SAA2: variants seen among roughly 807,000 people sequenced by gnomAD.
SAA2 encodes the protein serum amyloid A2.
In SAA2, 5 loss-of-function variants were observed where a neutral mutation model predicts 9.1. The ratio of observed to expected loss-of-function variants is 0.55; its 90% CI spans 0.29 to 1.16. The LOEUF (loss-of-function observed/expected upper bound fraction) is 1.16, where lower values mean the gene tolerates loss of function less well. Ranked by LOEUF, SAA2 falls within the 50% of genes most tolerant of loss-of-function variation. The pLI, the probability that SAA2 is intolerant of heterozygous loss-of-function variation, is 0.09. For missense variants in SAA2, 94 were observed against 153.8 expected (o/e 0.61, Z 2.06); for synonymous variants, 49 against 59.8 (o/e 0.82, Z 0.83).
chr11:18,244,890 G>A (rs1402275363), downstream of SAA2, among the ~76,000 whole-genome samples: 1 of 152,186 alleles, frequency 6.6e-6, no homozygotes, highest in African/African-American at 2.4e-5. Flanking sequence ...GCTGAGGCAG[G>A]ACTTCACAAT....
downstream of SAA2, chr11:18,245,166 T>A (rs1478481766): frequency 9.1e-7 from 1 of 1,097,648 alleles, no homozygotes; most frequent in Non-Finnish European, 1.3e-6. Context: ...ACCCTTCATG[T>A]GGGTGTGCAT....
intron 2 of SAA2, among the ~76,000 whole-genome samples, chr11:18,246,701 T>A (rs1857559985): frequency 2.0e-5 from 3 of 151,912 alleles, no homozygotes; most frequent in African/African-American, 7.3e-5. Flanking sequence ...CTGGCTACAT[T>A]TTCATATTTT....
At chr11:18,239,102 T>C (rs1857272176), downstream of SAA2, 1 of 152,236 alleles carries the variant, frequency 6.6e-6, no homozygotes, top group East Asian at 1.9e-4. Flanking sequence ...TTGGAATTTG[T>C]CCTACCGTAA....
chr11:18,241,674 G>A (rs541237725), downstream of SAA2, among the ~76,000 whole-genome samples: 6 of 152,048 alleles, frequency 3.9e-5, no homozygotes, highest in Non-Finnish European at 8.8e-5. Flanking sequence ...TCACATTTTC[G>A]CACTTATAAA....
intron 3 of SAA2, chr11:18,240,165 T>A (rs1370211404): frequency 5.4e-6 from 4 of 741,798 alleles, no homozygotes; most frequent in South Asian, 1.5e-5. Context: ...GAAGAATGAG[T>A]GGACCTGGGG....
downstream of SAA2, among the ~76,000 whole-genome samples, chr11:18,243,064 T>C (rs919249947): frequency 6.6e-6 from 1 of 152,228 alleles, no homozygotes; most frequent in Admixed American, 6.5e-5. Flanking sequence ...GATACAAATT[T>C]CGATTTAAAA....
chr11:18,244,632 GTTC>G (rs1333249054), downstream of SAA2, among the ~76,000 whole-genome samples: 1 of 152,126 alleles, frequency 6.6e-6, no homozygotes, highest in Admixed American at 6.5e-5. Context: ...TGATAAAACA[GTTC>G]TTCTCTATCT....
At chr11:18,245,205 T>G, downstream of SAA2, 4 of 1,425,928 alleles carry the variant, frequency 2.8e-6, no homozygotes, top group Non-Finnish European at 3.7e-6. Flanking sequence ...AAACAGGCAG[T>G]CAGCACCAAA....
downstream of SAA2, among the ~76,000 whole-genome samples, chr11:18,244,492 A>G (rs1857441820): frequency 6.6e-6 from 1 of 152,212 alleles, no homozygotes; most frequent in African/African-American, 2.4e-5. Flanking sequence ...GAGGGGCCCA[A>G]TCTCAAATTT....
rs777164076 is a variant in SAA2 at position 18,245,514 on chromosome 11, T to C, written c.232A>G (p.Asn78Asp). 19 of 1,613,902 alleles carry C rather than the reference T, an allele frequency of 1.2e-5. No homozygotes were observed. Among genetic ancestry groups the C allele is most frequent in the South Asian group, 2.2e-5 (2 of 91,076 alleles). ...GGAWAAEVIS[N>D]ARENIQRLTG... ...AGTCTCTGGATATTCTCTCTGGCAT[T>C]GCTGTAGTCCAGGCAGGCAAGAAGG... The change falls in exon 4 of 4, where the codon AAT becomes GAT. Residue 78 changes from asparagine (N) to aspartate (D), a missense_variant and splice_region_variant. Coordinates refer to ENST00000256733, the MANE Select transcript of SAA2 (RefSeq NM_030754.5).
In SAA2 at chr11:18,246,017, G is replaced by A. The variant is rs550132053; in HGVS notation, c.123C>T (p.Asp41=). Residue 41 remains aspartate, a synonymous_variant, in exon 3 of 4, where the codon GAC becomes GAT. Transcript: ENST00000256733. ...AGCCGATGTAATTGGCTTCTCTCATGTCAGAGTAGGCTCTCCACATGTCCC... is the reference window on the plus strand; with the variant it reads ...AGCCGATGTAATTGGCTTCTCTCATATCAGAGTAGGCTCTCCACATGTCCC... The part of the protein sequence containing the change: ...GARDMWRAYS[D]MREANYIGSD... 2 of 1,613,800 alleles carry A rather than the reference G, an allele frequency of 1.2e-6. No individual in the cohort carries two copies. The highest frequency in any genetic ancestry group is 2.7e-5 in the African/African-American group (2 of 74,938).
chr11:18,238,765 T>A (rs1365042200), downstream of SAA2, among the ~76,000 whole-genome samples: 1 of 152,128 alleles, frequency 6.6e-6, no homozygotes, highest in Non-Finnish European at 1.5e-5. Context: ...TCATTCTAAG[T>A]ATTTTTTTGG....
chr11:18,243,853 C>A (rs1283135058), downstream of SAA2, among the ~76,000 whole-genome samples: 4 of 152,156 alleles, frequency 2.6e-5, no homozygotes, highest in Non-Finnish European at 5.9e-5. Context: ...CAGCTCCACA[C>A]CCACCCCTTT....
Position 18,245,372 on chromosome 11 carries a change from G to A in SAA2, c.*5C>T. The A allele has an allele frequency of 6.2e-7, 1 of 1,614,150 alleles. No homozygotes were observed. Among genetic ancestry groups the A allele is most frequent in the South Asian group, 1.1e-5 (1 of 91,080 alleles). On this transcript the variant is annotated 3_prime_UTR_variant, in exon 4 of 4. Transcript: ENST00000256733. ...GGTCTCCTGAGAGCAGAGTGAAGAG[G>A]AAGCTCAGTATTTCTCAGGCAGGCC...
downstream of SAA2, chr11:18,242,820 C>A (rs1857387125): frequency 1.4e-6 from 1 of 701,574 alleles, no homozygotes; most frequent in African/African-American, 1.7e-5. Context: ...GCACTTCAGC[C>A]TGGATGAAAG....
chr11:18,238,633 CT>C (rs1454967415), downstream of SAA2, among the ~76,000 whole-genome samples: 1 of 152,154 alleles, frequency 6.6e-6, no homozygotes, highest in Non-Finnish European at 1.5e-5. Context: ...TATCCATCCC[CT>C]CAAGCATTTA....
At position 18,245,531 on chromosome 11, in the gene SAA2, G is replaced by C. The variant is rs1564905138; in HGVS notation, c.231-16C>G. On this transcript the variant is annotated splice_polypyrimidine_tract_variant and intron_variant, in intron 3 of 3. Coordinates refer to ENST00000256733, the MANE Select transcript of SAA2 (RefSeq NM_030754.5). ...TCTGGCATTGCTGTAGTCCAGGCAGGCAAGAAGGAGATTAATCATCAGGCC... is the reference window on the plus strand; with the variant it reads ...TCTGGCATTGCTGTAGTCCAGGCAGCCAAGAAGGAGATTAATCATCAGGCC... 6.2e-7 allele frequency: 1 copy of C among 1,613,682 alleles called. No individual in the cohort carries two copies. The highest frequency in any genetic ancestry group is 8.5e-7 in the Non-Finnish European group (1 of 1,179,632).
exon 4 of SAA2, chr11:18,239,242 T>C (rs1041977177): frequency 6.5e-6 from 1 of 153,338 alleles, no homozygotes; most frequent in Admixed American, 6.5e-5. Context: ...AAAATTCTCA[T>C]ATGCACTTAT....
downstream of SAA2, among the ~76,000 whole-genome samples, chr11:18,243,685 T>C (rs1449587506): frequency 6.6e-6 from 1 of 152,250 alleles, no homozygotes; most frequent in Non-Finnish European, 1.5e-5. Context: ...CTGTTGTAAA[T>C]AGTTCTACTT....
Sources: allele counts gnomAD v4.1 joint callset (sites outside exome capture counted in the v4.1 genomes callset), GRCh38; gene constraint gnomAD v4.1.1; transcripts MANE v1.5; gene names NCBI Gene and HGNC (gene_info 2026-07-23, HGNC 2026-07-21).